QSER1: variants seen among roughly 807,000 people sequenced by gnomAD.
QSER1 encodes the protein glutamine and serine rich 1, also known as glutamine and serine-rich protein 1.
Under a neutral mutation model 158.5 loss-of-function variants are expected in QSER1, and 49 were observed. The ratio of observed to expected loss-of-function variants is 0.31; its 90% CI spans 0.25 to 0.39. QSER1 has a LOEUF of 0.39. Ranked by LOEUF, QSER1 falls within the 10% of genes least tolerant of loss-of-function variation. The pLI is 1.00. For missense variants in QSER1, 1,754 were observed against 2,010.3 expected (o/e 0.87, Z 2.44); for synonymous variants, 650 against 715.5 (o/e 0.91, Z 1.46).
rs1852977406 is a variant in QSER1, at chr11:32,976,336, T to C, written c.5457T>C (p.Ile1819=). ...YHVYLICKDE[I]SSVQKKNEDL... ...ATTTGGCGATTTTCTTTTTTTAGAT[T>C]TCTTCGGTGCAGAAAAAAAATGAAG... The change falls in exon 13 of 13, where the codon ATT becomes ATC. Residue 1819 remains isoleucine (I), a splice_region_variant and synonymous_variant. Transcript: ENST00000650167. 5 of 1,579,764 alleles carry C rather than the reference T, an allele frequency of 3.2e-6. No homozygotes were observed. Among genetic ancestry groups the C allele is most frequent in the Non-Finnish European group, 4.3e-6 (5 of 1,170,218 alleles).
At chr11:32,937,921 C>A (rs1852177034) in intron 4 of QSER1, among the ~76,000 whole-genome samples, 1 of 152,178 alleles carries the variant, frequency 6.6e-6, no homozygotes, top group African/African-American at 2.4e-5. Flanking sequence ...AGACTATTTT[C>A]AAAGTCATGT....
intron 1 of QSER1, among the ~76,000 whole-genome samples, chr11:32,920,049 GA>G (rs1383413839): frequency 1.3e-5 from 2 of 151,932 alleles, no homozygotes; most frequent in Admixed American, 1.3e-4. Context: ...CCCAGTACTA[GA>G]ATCAGCCATT....
At chr11:32,904,152 C>G (rs935444287) in intron 1 of QSER1, among the ~76,000 whole-genome samples, 1 of 151,382 alleles carries the variant, frequency 6.6e-6, no homozygotes, top group Non-Finnish European at 1.5e-5. Flanking sequence ...CAGTCTAGGC[C>G]TTTCTGCAGT....
At chr11:32,906,445 T>G (rs1851694196) in intron 1 of QSER1, among the ~76,000 whole-genome samples, 1 of 152,162 alleles carries the variant, frequency 6.6e-6, no homozygotes, top group Non-Finnish European at 1.5e-5. Flanking sequence ...GGTCTTACTC[T>G]GTCATCCAGG....
chr11:32,962,618 T>C (rs1679837231), intron 8 of QSER1, among the ~76,000 whole-genome samples: 1 of 152,212 alleles, frequency 6.6e-6, no homozygotes, highest in African/African-American at 2.4e-5. Context: ...TACATTTTCT[T>C]CTAAGAGTTT....
At position 32,906,112 on chromosome 11, in the gene QSER1, T is replaced by G. The variant is rs553862270; in HGVS notation, c.209+12778T>G. On this transcript the variant is annotated intron_variant, in intron 1 of 12. Coordinates refer to ENST00000650167, the MANE Select transcript of QSER1 (RefSeq NM_001076786.3). ...AAAAAGACTATTTTTTAGTTTTTTT[T>G]TTTTTTTTTTTTAAGTTAAAAAAAT... 2.7e-3 allele frequency among the ~76,000 whole-genome samples: 414 copies of G among 151,348 alleles called. 2 individuals are homozygous for G. Among genetic ancestry groups the G allele is most frequent in the African/African-American group, 7.1e-3 (293 of 41,426 alleles).
Position 32,932,856 on chromosome 11 carries a change from C to A in QSER1, c.1598C>A (p.Ser533Ter). 1 of 1,614,044 alleles carries A rather than the reference C, an allele frequency of 6.2e-7. No homozygotes were observed. The highest frequency in any genetic ancestry group is 8.5e-7 in the Non-Finnish European group (1 of 1,179,986). ...TCTAATCAGCAAGAGGTATTGTCTT[C>A]AGTTACAAATGAGAATTACCCTGCT... ...YSSNQQEVLSSVTNENYPAQT... is the reference protein window; with the variant it reads ...YSSNQQEVLS The change falls in exon 4 of 13, where the codon TCA becomes TAA. Residue 533 changes from serine (S) to a stop codon, truncating the protein, a stop_gained. Coordinates refer to ENST00000650167, the MANE Select transcript of QSER1 (RefSeq NM_001076786.3). LOFTEE classifies it high-confidence loss of function.
chr11:32,912,641 G>GC (rs1851782120), intron 1 of QSER1, among the ~76,000 whole-genome samples: 1 of 152,240 alleles, frequency 6.6e-6, no homozygotes, highest in East Asian at 1.9e-4. Flanking sequence ...AGGCAAAGTG[G>GC]CTCACGCCTT....
At chr11:32,896,751 AC>A (rs1195971999) in intron 1 of QSER1, among the ~76,000 whole-genome samples, 2 of 152,116 alleles carry the variant, frequency 1.3e-5, no homozygotes, top group Admixed American at 1.3e-4. Context: ...CCTAATGCAT[AC>A]TTTTTTTTAG....
chr11:32,973,396 G>T lies in QSER1; in HGVS notation c.5206-1G>T. The T allele has an allele frequency of 6.2e-7, 1 of 1,613,088 alleles. No individual in the cohort carries two copies. The highest frequency in any genetic ancestry group is 8.5e-7 in the Non-Finnish European group (1 of 1,179,690). ...AGTTATTTTGCTTCATTGTTTTCCA[G>T]AATGCTTTGGAAAGTTTTCCTGAAC... On this transcript the variant is annotated splice_acceptor_variant, in intron 10 of 12. Transcript: ENST00000650167. LOFTEE classifies it high-confidence loss of function.
Position 32,979,770 on chromosome 11 carries a change from C to T in QSER1, c.*3296C>T, listed in dbSNP as rs1853040161. ...TTTATTTTCTTTAAAGCAGCTATAT[C>T]CCAACCCATGACTTTGGAGATATAC... On this transcript the variant is annotated 3_prime_UTR_variant, in exon 13 of 13. Coordinates refer to ENST00000650167, the MANE Select transcript of QSER1 (RefSeq NM_001076786.3). 1 of 152,134 alleles carries T rather than the reference C, an allele frequency of 6.6e-6. No homozygotes were observed. Among genetic ancestry groups the T allele is most frequent in the Non-Finnish European group, 1.5e-5 (1 of 68,022 alleles). 9.4% of individuals were successfully genotyped at this position (152,134 alleles called of 1,614,324 possible). A position where few individuals can be genotyped will look rare whatever the true frequency, so the allele number is the denominator to read the frequency against.
Position 32,957,999 on chromosome 11 carries a change from A to C in QSER1, c.4882A>C (p.Lys1628Gln). The change falls in exon 8 of 13, where the codon AAG becomes CAG. Residue 1628 changes from lysine to glutamine, a missense_variant. Physicochemically the swap from Lys to Gln is moderately conservative, Grantham distance 53. Transcript: ENST00000650167. ...QPKVKAEPPP[K>Q]KRKKWKEEFS... ...AAAAGTAAAGGCTGAGCCACCACCA[A>C]AGAAACGGAAAAAATGGAAAGAAGA... 6.2e-7 allele frequency: 1 copy of C among 1,614,144 alleles called. No individual in the cohort carries two copies. The highest frequency in any genetic ancestry group is 8.5e-7 in the Non-Finnish European group (1 of 1,180,022).
chr11:32,971,039 T>G (rs938058047), intron 10 of QSER1, among the ~76,000 whole-genome samples: 1 of 124,050 alleles, frequency 8.1e-6, no homozygotes, highest in East Asian at 2.9e-4. Flanking sequence ...TGCAACCTCC[T>G]CCTCTCCTGC....
Position 32,955,430 on chromosome 11 carries a change from T to G in QSER1, c.4617+18T>G. 8.2e-7 allele frequency: 1 copy of G among 1,226,156 alleles called. No individual in the cohort carries two copies. Among genetic ancestry groups the G allele is most frequent in the Non-Finnish European group, 1.2e-6 (1 of 853,112 alleles). 76.0% of individuals were successfully genotyped at this position (1,226,156 alleles called of 1,614,324 possible). A position where few individuals can be genotyped will look rare whatever the true frequency, so the allele number is the denominator to read the frequency against. On this transcript the variant is annotated intron_variant, in intron 6 of 12. Coordinates refer to ENST00000650167, the MANE Select transcript of QSER1 (RefSeq NM_001076786.3). Reference sequence around the variant, plus strand: ...CAAATAGTGTAAGTAAAATGCATGTTTACATTAGCCTTATTTTGACAGTGG... The same window carrying G: ...CAAATAGTGTAAGTAAAATGCATGTGTACATTAGCCTTATTTTGACAGTGG...
At chr11:32,901,572 A>G (rs1851625572) in intron 1 of QSER1, among the ~76,000 whole-genome samples, 1 of 152,246 alleles carries the variant, frequency 6.6e-6, no homozygotes, top group Admixed American at 6.5e-5. Context: ...CTGCTAGGCC[A>G]GTTAAGGGCT....
rs1188998352 is a variant in QSER1, at chr11:32,968,986, GGATT to G, written c.5108-59_5108-56del. On this transcript the variant is annotated intron_variant, in intron 9 of 12. Coordinates refer to ENST00000650167, the MANE Select transcript of QSER1 (RefSeq NM_001076786.3). Reference sequence around the variant, plus strand: ...TATATAAATGTTTTGAGAAAAAGTTGGATTTTTTTCAAAAATATTTATTGATAGT... The same window carrying G: ...TATATAAATGTTTTGAGAAAAAGTTGTTTTTCAAAAATATTTATTGATAGT... 3.3e-6 allele frequency: 3 copies of G among 908,956 alleles called. No homozygotes were observed. In the African/African-American group the frequency reaches 5.2e-5, roughly 16 times the overall value. The allele number at this position is 908,956 out of a possible 1,614,324, so 56.3% of individuals were successfully genotyped here.
intron 1 of QSER1, among the ~76,000 whole-genome samples, chr11:32,900,426 G>A (rs1192689500): frequency 6.6e-6 from 1 of 152,104 alleles, no homozygotes; most frequent in Non-Finnish European, 1.5e-5. Flanking sequence ...GGGCATGGTG[G>A]CAGGTGCCTG....
At chr11:32,955,266 T>C (rs1400898945) in intron 5 of QSER1, 30 bp from the exon 6 acceptor site, 5 of 1,179,346 alleles carry the variant, frequency 4.2e-6, no homozygotes, top group Middle Eastern at 2.2e-4. Flanking sequence ...TGCTGTGTTT[T>C]GTAAGTATCA....
chr11:32,917,331 G>A (rs1851845652), intron 1 of QSER1, among the ~76,000 whole-genome samples: 1 of 152,120 alleles, frequency 6.6e-6, no homozygotes, highest in African/African-American at 2.4e-5. Flanking sequence ...TTATGTACAA[G>A]TTTTTGTGTG....
Sources: allele counts gnomAD v4.1 joint callset (sites outside exome capture counted in the v4.1 genomes callset), GRCh38; gene constraint gnomAD v4.1.1; transcripts MANE v1.5; gene names NCBI Gene and HGNC (gene_info 2026-07-23, HGNC 2026-07-21).